CRIM1: variants seen among roughly 807,000 people sequenced by gnomAD.
CRIM1 encodes the protein cysteine-rich motor neuron 1 protein.
In CRIM1, 32 loss-of-function variants were observed where a neutral mutation model predicts 116.4. That is an observed-to-expected ratio of 0.27 (90% CI 0.21 to 0.37). CRIM1 has a LOEUF of 0.37. Among genes scored for constraint, CRIM1 ranks in the 10% least tolerant of loss-of-function variants. The probability of loss-of-function intolerance (pLI) is 1.00; values close to 1 mark genes in which losing one functional copy is unlikely to be tolerated. For synonymous variants in CRIM1, 590 were observed against 509.2 expected (o/e 1.16, Z -2.13); for missense variants, 1,331 against 1,354.8 (o/e 0.98, Z 0.28).
At chr2:36,515,538 T>A (rs905332550) in intron 11 of CRIM1, among the ~76,000 whole-genome samples, 2 of 152,230 alleles carry the variant, frequency 1.3e-5, no homozygotes, top group African/African-American at 4.8e-5. Flanking sequence ...AATATTTTTC[T>A]CCCCTCTTCA....
At chr2:36,521,354 G>C (rs544603438) in intron 12 of CRIM1, among the ~76,000 whole-genome samples, 4 of 152,148 alleles carry the variant, frequency 2.6e-5, no homozygotes, top group Non-Finnish European at 5.9e-5. Flanking sequence ...CTGAACATTG[G>C]AATGTTGCAT....
intron 4 of CRIM1, among the ~76,000 whole-genome samples, chr2:36,457,743 T>C: frequency 6.6e-6 from 1 of 151,996 alleles, no homozygotes; most frequent in Non-Finnish European, 1.5e-5. Context: ...TTGGATATTT[T>C]ATTTGCAGCC....
intron 4 of CRIM1, among the ~76,000 whole-genome samples, chr2:36,452,813 C>T (rs1234106293): frequency 6.6e-6 from 1 of 152,120 alleles, no homozygotes; most frequent in East Asian, 1.9e-4. Context: ...TCATGGATAT[C>T]ACCAGACACT....
chr2:36,494,208 C>T (rs1680424372), intron 7 of CRIM1, among the ~76,000 whole-genome samples: 2 of 151,886 alleles, frequency 1.3e-5, no homozygotes, highest in Admixed American at 1.3e-4. Context: ...AATTGTGATC[C>T]CAGTAGCTTA....
Position 36,544,508 on chromosome 2 carries a change from G to T in CRIM1, c.2746+10G>T. On this transcript the variant is annotated intron_variant, in intron 15 of 16. Transcript: ENST00000280527. Reference sequence around the variant, plus strand: ...GTCCATCTCCCTAGAGGTAAGCATTGAAGGCAGCTGAGATCTGCTAGTTTT... The same window carrying T: ...GTCCATCTCCCTAGAGGTAAGCATTTAAGGCAGCTGAGATCTGCTAGTTTT... 1.5e-6 allele frequency: 2 copies of T among 1,324,688 alleles called. No homozygotes were observed. Among genetic ancestry groups the T allele is most frequent in the Non-Finnish European group, 1.9e-6 (2 of 1,027,402 alleles). 82.1% of individuals were successfully genotyped at this position (1,324,688 alleles called of 1,614,324 possible).
intron 7 of CRIM1, among the ~76,000 whole-genome samples, chr2:36,488,530 G>A (rs1679997702): frequency 6.6e-6 from 1 of 152,162 alleles, no homozygotes; most frequent in African/African-American, 2.4e-5. Flanking sequence ...AGCAATACGG[G>A]ACATGTAACA....
At chr2:36,506,179 TCTCACA>T (rs1475849165) in intron 8 of CRIM1, among the ~76,000 whole-genome samples, 1,951 of 91,544 alleles carry the variant, frequency 0.021, 12 homozygotes, top group Non-Finnish European at 0.028. Flanking sequence ...TCTCTCTCTC[TCTCACA>T]CACACACACA....
intron 7 of CRIM1, among the ~76,000 whole-genome samples, chr2:36,491,817 C>T (rs1680247284): frequency 6.6e-6 from 1 of 152,156 alleles, no homozygotes; most frequent in African/African-American, 2.4e-5. Context: ...CACAAACCCG[C>T]ATACCTATTA....
At chr2:36,521,951 T>G (rs1393129012) in intron 12 of CRIM1, 141 bp from the exon 13 acceptor site, 3 of 664,646 alleles carry the variant, frequency 4.5e-6, no homozygotes, top group Non-Finnish European at 8.1e-6. Flanking sequence ...TCCCGAATCA[T>G]ACTTTCTGAT....
chr2:36,405,707 C>G (rs1672727652), intron 2 of CRIM1, among the ~76,000 whole-genome samples: 1 of 152,172 alleles, frequency 6.6e-6, no homozygotes, highest in Non-Finnish European at 1.5e-5. Flanking sequence ...TTCAAGTAGT[C>G]ACTGGACCTA....
intron 4 of CRIM1, among the ~76,000 whole-genome samples, chr2:36,448,786 A>G (rs1273472069): frequency 6.6e-6 from 1 of 152,194 alleles, no homozygotes; most frequent in Non-Finnish European, 1.5e-5. Flanking sequence ...CAGCTATTTT[A>G]AGGTAGAAAT....
At chr2:36,444,256 T>C (rs1332754032) in intron 4 of CRIM1, among the ~76,000 whole-genome samples, 4 of 152,140 alleles carry the variant, frequency 2.6e-5, no homozygotes, top group African/African-American at 9.7e-5. Flanking sequence ...TCAGTCACTC[T>C]AGGGGGTTGA....
At chr2:36,438,971 A>G (rs1675557954) in intron 2 of CRIM1, among the ~76,000 whole-genome samples, 1 of 152,240 alleles carries the variant, frequency 6.6e-6, no homozygotes, top group Non-Finnish European at 1.5e-5. Context: ...AGCACATGGC[A>G]TGTGTGTTAA....
chr2:36,441,750 C>T (rs1413696856), intron 3 of CRIM1, among the ~76,000 whole-genome samples: 1 of 152,002 alleles, frequency 6.6e-6, no homozygotes, highest in East Asian at 1.9e-4. Context: ...TTCTTTTTTT[C>T]CTTCAAAGTA....
At chr2:36,546,405 G>A (rs983950152) in intron 15 of CRIM1, among the ~76,000 whole-genome samples, 2 of 152,006 alleles carry the variant, frequency 1.3e-5, no homozygotes, top group African/African-American at 4.8e-5. Context: ...GATCTAATAG[G>A]CCTAAGCAAG....
intron 4 of CRIM1, among the ~76,000 whole-genome samples, chr2:36,450,354 G>A (rs2124965980): frequency 6.6e-6 from 1 of 152,274 alleles, no homozygotes; most frequent in Admixed American, 6.5e-5. Flanking sequence ...CCTGAGGTCG[G>A]ATTGTGTGTG....
chr2:36,532,783 C>T (rs1572944598), intron 13 of CRIM1, among the ~76,000 whole-genome samples: 2 of 152,112 alleles, frequency 1.3e-5, no homozygotes, highest in African/African-American at 4.8e-5. Flanking sequence ...CCTCATTTTT[C>T]TGTAGAATTG....
intron 8 of CRIM1, among the ~76,000 whole-genome samples, chr2:36,504,306 T>C (rs373134923): frequency 4.6e-5 from 7 of 152,320 alleles, no homozygotes; most frequent in South Asian, 2.1e-4. Flanking sequence ...CTAAAGAAGA[T>C]TAAAAATAGT....
At chr2:36,495,475 A>ATTTTTTTTTTTTT (rs1024205619) in intron 7 of CRIM1, among the ~76,000 whole-genome samples, 14 of 129,622 alleles carry the variant, frequency 1.1e-4, no homozygotes, top group South Asian at 2.6e-4. Flanking sequence ...TTATTTATTT[A>ATTTTTTTTTTTTT]TTTTTTTTTT....
Sources: allele counts gnomAD v4.1 joint callset (sites outside exome capture counted in the v4.1 genomes callset), GRCh38; gene constraint gnomAD v4.1.1; transcripts MANE v1.5; gene names NCBI Gene and HGNC (gene_info 2026-07-23, HGNC 2026-07-21).